WDR5: variants seen among roughly 807,000 people sequenced by gnomAD.
The protein encoded by WDR5 is WD repeat-containing protein 5.
For synonymous variants in WDR5, 144 were observed against 161.6 expected (o/e 0.89, Z 0.83); for missense variants, 187 against 416.9 (o/e 0.45, Z 4.80).
chr9:134,142,851 A>G, intron 7 of WDR5, 132 bp downstream of exon 7: 1 of 901,206 alleles, frequency 1.1e-6, no homozygotes, highest in East Asian at 2.5e-5. Context: ...CTGTCATGCC[A>G]CAGTCTAGAG....
intron 7 of WDR5, among the ~76,000 whole-genome samples, chr9:134,146,529 C>T (rs929238287): frequency 6.6e-6 from 1 of 152,242 alleles, no homozygotes; most frequent in Non-Finnish European, 1.5e-5. Context: ...AGCCACCGCG[C>T]CCGGCCTCCC....
rs546145885 is a variant in WDR5, at chr9:134,136,248, G to A, written c.-59+48G>A. On this transcript the variant is annotated intron_variant, in intron 1 of 13. Transcript: ENST00000358625. Reference sequence around the variant, plus strand: ...CGGGGAACACAAGGCGGGCAGCGGGGCGGCGCCAGAAGCTTCCAAACCGCA... The same window carrying A: ...CGGGGAACACAAGGCGGGCAGCGGGACGGCGCCAGAAGCTTCCAAACCGCA... The A allele has an allele frequency of 2.4e-3, 352 of 148,756 alleles. 1 individual carries two copies. Among genetic ancestry groups the A allele is most frequent in the African/African-American group, 7.9e-3 (326 of 41,184 alleles). 9.2% of individuals were successfully genotyped at this position (148,756 alleles called of 1,614,324 possible).
intron 1 of WDR5, among the ~76,000 whole-genome samples, chr9:134,137,800 C>G (rs1831655554): frequency 6.6e-6 from 1 of 152,182 alleles, no homozygotes. Context: ...TTGGCCCAGG[C>G]TGGAGTGCAG....
chr9:134,137,771 C>A (rs570662133), intron 1 of WDR5, among the ~76,000 whole-genome samples: 1 of 152,128 alleles, frequency 6.6e-6, no homozygotes, highest in Admixed American at 6.6e-5. Context: ...CCCGCCACCC[C>A]CCGACGGAGT....
chr9:134,156,026 G>A (rs565053125), intron 12 of WDR5, among the ~76,000 whole-genome samples: 1 of 152,366 alleles, frequency 6.6e-6, no homozygotes, highest in East Asian at 1.9e-4. Flanking sequence ...CGAGGGCGCT[G>A]GGACCCAACA....
chr9:134,146,525 C>G (rs568083933), intron 7 of WDR5, among the ~76,000 whole-genome samples: 1 of 152,242 alleles, frequency 6.6e-6, no homozygotes, highest in Non-Finnish European at 1.5e-5. Context: ...CGTAAGCCAC[C>G]GCGCCCGGCC....
intron 9 of WDR5, among the ~76,000 whole-genome samples, chr9:134,153,174 G>A (rs781677368): frequency 6.6e-6 from 1 of 152,144 alleles, no homozygotes; most frequent in African/African-American, 2.4e-5. Flanking sequence ...AGTTGTGTGC[G>A]CCGCTGTTGT....
intron 13 of WDR5, 115 bp downstream of exon 13, chr9:134,156,708 C>G: frequency 1.0e-6 from 1 of 993,600 alleles, no homozygotes; most frequent in Non-Finnish European, 1.5e-6. Flanking sequence ...CACCTCAGCC[C>G]TCCGCTGGCC....
chr9:134,153,726 C>T (rs1015204432), intron 9 of WDR5, among the ~76,000 whole-genome samples: 5 of 151,014 alleles, frequency 3.3e-5, no homozygotes, highest in East Asian at 1.9e-4. Flanking sequence ...GACACACCAG[C>T]GCGTGCACGT....
At chr9:134,148,254 GT>G (rs1319357183) in intron 7 of WDR5, 33 bp from the exon 8 acceptor site, 2 of 1,260,222 alleles carry the variant, frequency 1.6e-6, no homozygotes, top group African/African-American at 1.7e-5. Flanking sequence ...TTGAAAGTAA[GT>G]TTTTGTCTCT....
At chr9:134,153,201 C>T (rs963882198) in intron 9 of WDR5, among the ~76,000 whole-genome samples, 1 of 152,172 alleles carries the variant, frequency 6.6e-6, no homozygotes, top group Non-Finnish European at 1.5e-5. Flanking sequence ...ACACGTAACC[C>T]TCACGGCCAC....
At chr9:134,136,730 C>T (rs1180054823) in intron 1 of WDR5, among the ~76,000 whole-genome samples, 5 of 152,166 alleles carry the variant, frequency 3.3e-5, no homozygotes, top group African/African-American at 1.2e-4. Context: ...ACCGTGCCTC[C>T]TCGCGCGGGG....
chr9:134,143,390 A>T (rs936866954), intron 7 of WDR5, among the ~76,000 whole-genome samples: 1 of 152,098 alleles, frequency 6.6e-6, no homozygotes, highest in Non-Finnish European at 1.5e-5. Flanking sequence ...AAAATACAAA[A>T]ATCAGCTGGA....
intron 9 of WDR5, 118 bp downstream of exon 9, chr9:134,152,147 G>A: frequency 8.2e-7 from 1 of 1,221,104 alleles, no homozygotes. Context: ...GCCCCTGCAG[G>A]AGGAACCTTC....
At chr9:134,137,662 T>G (rs1831635398) in intron 1 of WDR5, among the ~76,000 whole-genome samples, 3 of 114,838 alleles carry the variant, frequency 2.6e-5, no homozygotes, top group African/African-American at 3.2e-5. Context: ...CTTTGGACTG[T>G]GTCTCAAAAA....
chr9:134,147,003 A>G (rs954921893), intron 7 of WDR5, among the ~76,000 whole-genome samples: 1 of 152,244 alleles, frequency 6.6e-6, no homozygotes, highest in Admixed American at 6.5e-5. Context: ...TGCCAGCCGC[A>G]TGATGGCCCA....
intron 7 of WDR5, among the ~76,000 whole-genome samples, chr9:134,147,519 T>TC (rs1050794658): frequency 8.3e-4 from 126 of 151,804 alleles, no homozygotes; most frequent in Non-Finnish European, 1.3e-3. Flanking sequence ...TACCACCCTG[T>TC]CCCCCCCGGA....
At position 134,140,709 on chromosome 9, in the gene WDR5, C is replaced by T. The variant is rs1428782733; in HGVS notation, c.88C>T (p.Pro30Ser). Reference sequence around the variant, plus strand: ...TAACTGGTCTTTCCTGCAGCCTACACCTGTGAAGCCAAACTATGCTCTAAA... The same window carrying T: ...TAACTGGTCTTTCCTGCAGCCTACATCTGTGAAGCCAAACTATGCTCTAAA... The part of the protein sequence containing the change: ...SSSATQSKPT[P>S]VKPNYALKFT... The change falls in exon 3 of 14, where the codon CCT (proline) becomes TCT (serine). Residue 30 changes from proline (P) to serine (S), a missense_variant. Coordinates refer to ENST00000358625, the MANE Select transcript of WDR5 (RefSeq NM_017588.3). 6.2e-7 allele frequency: 1 copy of T among 1,614,186 alleles called. No homozygotes were observed. Among genetic ancestry groups the T allele is most frequent in the Non-Finnish European group, 8.5e-7 (1 of 1,180,008 alleles).
chr9:134,152,217 C>G (rs1373563557), intron 9 of WDR5, among the ~76,000 whole-genome samples, 188 bp downstream of exon 9: 2 of 152,264 alleles, frequency 1.3e-5, no homozygotes, highest in Non-Finnish European at 2.9e-5. Context: ...GTTGCTCCTT[C>G]TGGTGCAGTT....
Sources: gnomAD v4.1 joint callset for allele counts (sites outside exome capture counted in the v4.1 genomes callset) on GRCh38, gnomAD v4.1.1 for gene constraint, MANE v1.5 for transcripts, NCBI Gene and HGNC (gene_info 2026-07-23, HGNC 2026-07-21) for gene names.